Variants in SET observed in about 807,000 individuals in gnomAD.
SET encodes the protein SET nuclear proto-oncogene, also known as protein SET.
SET carries 4 observed loss-of-function variants against 39.0 expected under a neutral mutation model. The observed-to-expected ratio is 0.10, with a 90% CI of 0.05 to 0.23. The LOEUF is 0.23. Ranked by LOEUF, SET falls within the 10% of genes least tolerant of loss-of-function variation. SET has a pLI of 1.00. For missense variants in SET, 137 were observed against 329.7 expected (o/e 0.42, Z 4.53); for synonymous variants, 114 against 115.9 (o/e 0.98, Z 0.11).
rs139252094 is a variant in SET, at chr9:128,693,736, T to C, written c.591T>C (p.Ser197=). Reference sequence around the variant, plus strand: ...TCTTTACCTGGTTTACTGACCATTCTGATGCAGGTGCTGATGAGTTAGGAG... The same window carrying C: ...TCTTTACCTGGTTTACTGACCATTCCGATGCAGGTGCTGATGAGTTAGGAG... ...ESFFTWFTDH[S]DAGADELGEV... Residue 197 remains serine (S), a synonymous_variant, in exon 6 of 8, where the codon TCT becomes TCC. Transcript: ENST00000322030. 40 of 1,613,734 alleles carry C rather than the reference T, an allele frequency of 2.5e-5. No homozygotes were observed. The highest frequency in any genetic ancestry group is 3.1e-5 in the Non-Finnish European group (36 of 1,180,034).
chr9:128,690,025 T>A, intron 1 of SET: 1 of 1,028,634 alleles, frequency 9.7e-7, no homozygotes, highest in Non-Finnish European at 1.2e-6. Flanking sequence ...CGCCGCCACA[T>A]GGTGCGGCCG....
chr9:128,683,608 G>A, upstream of SET: 1 of 345,450 alleles, frequency 2.9e-6, no homozygotes, highest in South Asian at 5.6e-5. Flanking sequence ...GAAAGCACAG[G>A]GATCCTCTCC....
upstream of SET, chr9:128,689,196 C>T (rs1276320772): frequency 1.1e-6 from 1 of 943,752 alleles, no homozygotes; most frequent in African/African-American, 1.8e-5. Context: ...CGCGCGGGGC[C>T]TGGCGCGCCT....
intron 4 of SET, 21 bp downstream of exon 4, chr9:128,692,786 CTTG>C: frequency 1.3e-6 from 2 of 1,558,126 alleles, no homozygotes; most frequent in Non-Finnish European, 1.8e-6. Flanking sequence ...CTAACTTAAT[CTTG>C]TTTGCCACTG....
chr9:128,685,298 T>A (rs1589449743), upstream of SET: 1 of 1,169,628 alleles, frequency 8.5e-7, no homozygotes, highest in Non-Finnish European at 1.3e-6. Context: ...GCTGTGAGTC[T>A]GAAATCTAAG....
At chr9:128,686,237 T>C (rs1298118856), upstream of SET, among the ~76,000 whole-genome samples, 1 of 152,162 alleles carries the variant, frequency 6.6e-6, no homozygotes, top group Non-Finnish European at 1.5e-5. Context: ...TTGCTTTCTC[T>C]TTCTCTTCAA....
exon 1 of SET, chr9:128,683,975 C>A: frequency 6.4e-7 from 1 of 1,556,426 alleles, no homozygotes. Flanking sequence ...CCGGAGGAGA[C>A]ATCGGCCTCT....
upstream of SET, among the ~76,000 whole-genome samples, chr9:128,685,975 C>T (rs569717030): frequency 3.6e-4 from 55 of 151,686 alleles, no homozygotes; most frequent in African/African-American, 1.3e-3. Flanking sequence ...TGCAATGAGC[C>T]GAGTTCGTGC....
chr9:128,685,186 C>A, upstream of SET: 1 of 1,600,224 alleles, frequency 6.2e-7, no homozygotes, highest in Non-Finnish European at 8.5e-7. Context: ...CAGAGACCTC[C>A]TGCCCAGCTT....
At chr9:128,688,238 C>T (rs1861355498), upstream of SET, among the ~76,000 whole-genome samples, 3 of 152,322 alleles carry the variant, frequency 2.0e-5, no homozygotes, top group South Asian at 6.2e-4. Context: ...TGCTACTAAT[C>T]AGGGTTTTTC....
In SET at chr9:128,693,653, T is replaced by A. The variant is rs1184752881; in HGVS notation, c.508T>A (p.Ser170Thr). 8.1e-6 allele frequency: 13 copies of A among 1,611,962 alleles called. No homozygotes were observed. The highest frequency in any genetic ancestry group is 1.0e-5 in the Non-Finnish European group (12 of 1,179,282). The change falls in exon 6 of 8, where the codon TCG becomes ACG. Residue 170 changes from serine (S) to threonine (T), a missense_variant. By Grantham distance (58) the Ser-to-Thr change is moderately conservative. Around this residue, in one of 3 missense-constraint regions of SET, gnomAD observed 59 missense variants for 237.2 expected, o/e 0.25. Coordinates refer to ENST00000322030, the MANE Select transcript of SET (RefSeq NM_003011.4). ...WKSGKDLTKR[S>T]SQTQNKASRK... ...ATTCATTTAGGATTTGACGAAACGT[T>A]CGAGTCAAACGCAGAATAAAGCCAG...
chr9:128,689,401 C>A lies in SET; in HGVS notation c.-182C>A. 1.1e-6 allele frequency: 1 copy of A among 896,174 alleles called. No homozygotes were observed. The highest frequency in any genetic ancestry group is 1.4e-6 in the Non-Finnish European group (1 of 719,048). 55.5% of individuals were successfully genotyped at this position (896,174 alleles called of 1,614,324 possible). A position where few individuals can be genotyped will look rare whatever the true frequency, so the allele number is the denominator to read the frequency against. ...GCCGCCCCAGCCCGTCCCTCGGCGT[C>A]AGGCCGCGAGGGTAGCGCGCGCGAG... On this transcript the variant is annotated 5_prime_UTR_variant, in exon 1 of 8. Coordinates refer to ENST00000322030, the MANE Select transcript of SET (RefSeq NM_003011.4).
Position 128,693,650 on chromosome 9 carries a change from C to T in SET, c.505C>T (p.Arg169Cys), listed in dbSNP as rs1264518382. 4 of 1,610,754 alleles carry T rather than the reference C, an allele frequency of 2.5e-6. No individual in the cohort carries two copies. The highest frequency in any genetic ancestry group is 1.7e-6 in the Non-Finnish European group (2 of 1,178,838). ...GGTATTCATTTAGGATTTGACGAAA[C>T]GTTCGAGTCAAACGCAGAATAAAGC... Reference protein sequence around the residue: ...KWKSGKDLTKRSSQTQNKASR... With the variant: ...KWKSGKDLTKCSSQTQNKASR... Residue 169 changes from arginine to cysteine, a missense_variant, in exon 6 of 8, where the codon CGT (arginine) becomes TGT (cysteine). Arg to Cys is a radical substitution (Grantham distance 180). Transcript: ENST00000322030.
intron 7 of SET, among the ~76,000 whole-genome samples, chr9:128,694,432 A>G (rs964405495): frequency 6.6e-6 from 1 of 152,144 alleles, no homozygotes; most frequent in Admixed American, 6.5e-5. Flanking sequence ...ATTTCGGATT[A>G]TTTGATCCGA....
Position 128,689,365 on chromosome 9 carries a change from G to C in SET, c.-218G>C. ...CCTCCGCGAACAGGAGCCCGGGCCG[G>C]GGCCCGGCACGCCGCCCCAGCCCGT... On this transcript the variant is annotated 5_prime_UTR_variant, in exon 1 of 8. Transcript: ENST00000322030. 9.7e-7 allele frequency: 1 copy of C among 1,028,522 alleles called. No individual in the cohort carries two copies. The highest frequency in any genetic ancestry group is 4.3e-4 in the Middle Eastern group (1 of 2,330). The allele number at this position is 1,028,522 out of a possible 1,614,324, so 63.7% of individuals were successfully genotyped here. A position where few individuals can be genotyped will look rare whatever the true frequency, so the allele number is the denominator to read the frequency against.
upstream of SET, among the ~76,000 whole-genome samples, chr9:128,686,351 C>A (rs891634044): frequency 6.6e-6 from 1 of 152,122 alleles, no homozygotes; most frequent in African/African-American, 2.4e-5. Flanking sequence ...AGAAAGGGAA[C>A]CTGAAAGCCC....
chr9:128,684,391 C>T (rs1445358589), upstream of SET, among the ~76,000 whole-genome samples: 1 of 152,032 alleles, frequency 6.6e-6, no homozygotes, highest in African/African-American at 2.4e-5. Context: ...ATCTGTCCAC[C>T]TCTCTCTCTG....
upstream of SET, among the ~76,000 whole-genome samples, chr9:128,686,045 C>CGAG (rs1564355963): frequency 6.6e-6 from 1 of 151,556 alleles, no homozygotes; most frequent in East Asian, 1.9e-4. Flanking sequence ...AAAAAACAAC[C>CGAG]AGAGGGGCCA....
upstream of SET, among the ~76,000 whole-genome samples, chr9:128,689,030 G>A (rs925790323): frequency 3.3e-5 from 5 of 150,976 alleles, no homozygotes; most frequent in African/African-American, 9.7e-5. Context: ...GAGCGGGGGA[G>A]GGGACGCGGC....
Sources: allele counts gnomAD v4.1 joint callset (sites outside exome capture counted in the v4.1 genomes callset), GRCh38; gene constraint gnomAD v4.1.1; regional missense constraint gnomAD v4.1.1; transcripts MANE v1.5; gene names NCBI Gene and HGNC (gene_info 2026-07-23, HGNC 2026-07-21).